CPEB3: variants seen among roughly 807,000 people sequenced by gnomAD.
The protein encoded by CPEB3 is cytoplasmic polyadenylation element binding protein 3.
In CPEB3, 20 loss-of-function variants were observed where a neutral mutation model predicts 67.2. The ratio of observed to expected loss-of-function variants is 0.30; its 90% CI spans 0.21 to 0.43. The LOEUF is 0.43. CPEB3 is among the 20% of genes least tolerant of loss of function. The pLI is 1.00. For synonymous variants in CPEB3, 376 were observed against 393.1 expected (o/e 0.96, Z 0.51); for missense variants, 746 against 968.6 (o/e 0.77, Z 3.05).
chr10:92,122,847 C>A (rs960922706), intron 6 of CPEB3, among the ~76,000 whole-genome samples: 1 of 152,208 alleles, frequency 6.6e-6, no homozygotes, highest in Non-Finnish European at 1.5e-5. Flanking sequence ...CCAAGGGAAA[C>A]AACTAACCTA....
chr10:92,056,574 T>A (rs376786186), intron 9 of CPEB3, among the ~76,000 whole-genome samples: 3 of 152,010 alleles, frequency 2.0e-5, no homozygotes, highest in East Asian at 1.9e-4. Flanking sequence ...ATTCCAGCAG[T>A]GGGAAATTGA....
Position 92,101,597 on chromosome 10 carries a change from C to A in CPEB3, c.1572+9479G>T, listed in dbSNP as rs561713925. On this transcript the variant is annotated intron_variant, in intron 7 of 9. Transcript: ENST00000265997. ...ACTTCACAAAATGACTGGATTGCCC[C>A]AGCAATATCAGAAATAAACTAGTTT... 7.2e-5 allele frequency among the ~76,000 whole-genome samples: 11 copies of A among 152,178 alleles called. No individual in the cohort carries two copies. In the South Asian group the frequency reaches 2.3e-3, roughly 32 times the overall value.
chr10:92,076,929 T>C (rs578159364), intron 9 of CPEB3, among the ~76,000 whole-genome samples: 1 of 151,878 alleles, frequency 6.6e-6, no homozygotes, highest in East Asian at 1.9e-4. Context: ...AGGAAATGAC[T>C]GTGGCACCTT....
chr10:92,224,195 CCT>C (rs974924987), intron 2 of CPEB3, among the ~76,000 whole-genome samples: 12 of 152,174 alleles, frequency 7.9e-5, no homozygotes, highest in African/African-American at 2.7e-4. Flanking sequence ...CCACCGTGCC[CCT>C]GATTGTTGCT....
intron 6 of CPEB3, among the ~76,000 whole-genome samples, chr10:92,132,649 G>T (rs1845898415): frequency 1.3e-5 from 2 of 152,110 alleles, no homozygotes; most frequent in South Asian, 4.1e-4. Flanking sequence ...CTTAAACTCG[G>T]CTCTGCACCA....
In CPEB3 at chr10:92,166,039, T is replaced by C. The variant is rs953754451; in HGVS notation, c.1222+14924A>G. On this transcript the variant is annotated intron_variant, in intron 4 of 9. Coordinates refer to ENST00000265997, the MANE Select transcript of CPEB3 (RefSeq NM_014912.5). ...ATAAAGAATCCTTTCTAGAAGGTTT[T>C]CAACTTTGCCTAGGTTCATCAGAGG... 2.6e-5 allele frequency among the ~76,000 whole-genome samples: 4 copies of C among 152,184 alleles called. No homozygotes were observed. In the East Asian group the frequency reaches 7.7e-4, roughly 29 times the overall value.
chr10:92,143,257 C>G, intron 5 of CPEB3, 139 bp from the exon 6 acceptor site: 1 of 560,654 alleles, frequency 1.8e-6, no homozygotes, highest in East Asian at 3.1e-5. Flanking sequence ...GGAAGTGAAA[C>G]CTACTAAGTG....
intron 6 of CPEB3, among the ~76,000 whole-genome samples, chr10:92,126,756 T>C (rs914735489): frequency 6.6e-6 from 1 of 152,206 alleles, no homozygotes; most frequent in Non-Finnish European, 1.5e-5. Context: ...GGTAAAATAG[T>C]ATAAACTATT....
intron 1 of CPEB3, among the ~76,000 whole-genome samples, chr10:92,240,791 T>C (rs966390388): frequency 9.2e-5 from 14 of 152,128 alleles, no homozygotes; most frequent in Non-Finnish European, 2.1e-4. Flanking sequence ...TGCTGCGTCC[T>C]TCAGCAAGGT....
At chr10:92,183,244 G>A (rs1848541961) in intron 3 of CPEB3, among the ~76,000 whole-genome samples, 1 of 151,916 alleles carries the variant, frequency 6.6e-6, no homozygotes, top group African/African-American at 2.4e-5. Context: ...TAATTATTAG[G>A]AATTTCAAAA....
chr10:92,106,025 T>C (rs1255439241), intron 7 of CPEB3, among the ~76,000 whole-genome samples: 2 of 152,074 alleles, frequency 1.3e-5, no homozygotes, highest in African/African-American at 4.8e-5. Flanking sequence ...CCCGAGTAGC[T>C]GGAATTAGAG....
Position 92,229,200 on chromosome 10 carries a change from A to T in CPEB3, c.1005+10146T>A, listed in dbSNP as rs187053531. ...CATCAGGCCCAGCTAATTTTAAAAAATTTTTAATTTTTTTATAGAGACAGG... is the reference window on the plus strand; with the variant it reads ...CATCAGGCCCAGCTAATTTTAAAAATTTTTTAATTTTTTTATAGAGACAGG... On this transcript the variant is annotated intron_variant, in intron 2 of 9. Transcript: ENST00000265997. 8.0e-3 allele frequency among the ~76,000 whole-genome samples: 1,210 copies of T among 151,992 alleles called. 10 individuals carry two copies. The highest frequency in any genetic ancestry group is 0.028 in the African/African-American group (1,159 of 41,446).
At chr10:92,213,603 T>C (rs1483013773) in intron 2 of CPEB3, among the ~76,000 whole-genome samples, 2 of 152,208 alleles carry the variant, frequency 1.3e-5, no homozygotes, top group Non-Finnish European at 2.9e-5. Context: ...GAACAGGCTA[T>C]AAACATGTCC....
intron 6 of CPEB3, among the ~76,000 whole-genome samples, chr10:92,131,781 G>A (rs1192971648): frequency 2.0e-5 from 3 of 152,058 alleles, no homozygotes; most frequent in African/African-American, 4.8e-5. Flanking sequence ...GTCAACATAC[G>A]TTTTCTGTAA....
intron 2 of CPEB3, among the ~76,000 whole-genome samples, chr10:92,194,031 C>T (rs772981187): frequency 4.7e-4 from 71 of 151,768 alleles, no homozygotes; most frequent in Non-Finnish European, 8.8e-4. Flanking sequence ...CTCCTGACCT[C>T]GTGATCCACC....
chr10:92,256,393 CTT>C (rs1185030211), intron 1 of CPEB3, among the ~76,000 whole-genome samples: 30 of 141,838 alleles, frequency 2.1e-4, no homozygotes, highest in Non-Finnish European at 1.9e-4. Context: ...AACCTTTTTT[CTT>C]TTTTTTTTTT....
chr10:92,280,343 C>CAA (rs60338900), intron 1 of CPEB3, among the ~76,000 whole-genome samples: 455 of 37,242 alleles, frequency 0.012, no homozygotes, highest in Middle Eastern at 0.028. Flanking sequence ...AACTCCATCT[C>CAA]AAAAAAAAAA....
At chr10:92,077,612 A>T (rs1438233154) in intron 9 of CPEB3, among the ~76,000 whole-genome samples, 1 of 152,082 alleles carries the variant, frequency 6.6e-6, no homozygotes, top group Non-Finnish European at 1.5e-5. Context: ...CAAAAAAATT[A>T]GCCATGCATG....
chr10:92,085,203 G>A (rs1381138283), intron 8 of CPEB3, among the ~76,000 whole-genome samples: 1 of 152,164 alleles, frequency 6.6e-6, no homozygotes, highest in Non-Finnish European at 1.5e-5. Context: ...GTGAAAATAG[G>A]TATATAGTTC....
Sources: gnomAD v4.1 joint callset for allele counts (sites outside exome capture counted in the v4.1 genomes callset) on GRCh38, gnomAD v4.1.1 for gene constraint, MANE v1.5 for transcripts, NCBI Gene and HGNC (gene_info 2026-07-23, HGNC 2026-07-21) for gene names.